ADARB2: variants seen among roughly 807,000 people sequenced by gnomAD.
The protein encoded by ADARB2 is inactive double-stranded RNA-specific editase B2.
A neutral mutation model predicts 62.2 loss-of-function variants in ADARB2; 25 were observed. The observed-to-expected ratio is 0.40, with a 90% CI of 0.29 to 0.56. ADARB2 has a LOEUF of 0.56. ADARB2 is among the 20% of genes least tolerant of loss of function. ADARB2 has a pLI of 0.43. For synonymous variants in ADARB2, 572 were observed against 500.8 expected (o/e 1.14, Z -1.90); for missense variants, 1,071 against 1,077.4 (o/e 0.99, Z 0.08).
intron 3 of ADARB2, among the ~76,000 whole-genome samples, chr10:1,324,979 G>GT (rs1235279842): frequency 6.6e-6 from 1 of 152,200 alleles, no homozygotes. Context: ...CTGGGCACAG[G>GT]TACATGGGCT....
chr10:1,720,730 G>C (rs966199854), intron 1 of ADARB2, among the ~76,000 whole-genome samples: 24 of 152,264 alleles, frequency 1.6e-4, no homozygotes, highest in African/African-American at 5.5e-4. Context: ...TGGGCCCCTG[G>C]ACACGTGGAA....
chr10:1,393,741 T>A (rs1267583924), intron 1 of ADARB2, among the ~76,000 whole-genome samples: 4 of 152,242 alleles, frequency 2.6e-5, no homozygotes, highest in African/African-American at 4.8e-5. Flanking sequence ...CACCAGATTG[T>A]TCTGTGTGCC....
chr10:1,296,682 T>C (rs780437655), intron 3 of ADARB2, among the ~76,000 whole-genome samples: 1 of 152,096 alleles, frequency 6.6e-6, no homozygotes, highest in Non-Finnish European at 1.5e-5. Flanking sequence ...CCACAACATA[T>C]GTAATGACCC....
At position 1,430,057 on chromosome 10, in the gene ADARB2, G is replaced by A. The variant is rs117760363; in HGVS notation, c.101-50897C>T. ...CTAAGTATCCTTTTCCTCATGTGGCGCTCTCTATATATAGAGGATACTTAC... is the reference window on the plus strand; with the variant it reads ...CTAAGTATCCTTTTCCTCATGTGGCACTCTCTATATATAGAGGATACTTAC... On this transcript the variant is annotated intron_variant, in intron 1 of 9. Transcript: ENST00000381312. Among the ~76,000 whole-genome samples the A allele has an allele frequency of 6.1e-4, 93 of 152,236 alleles. 1 individual carries two copies. The East Asian group carries it at 0.013, about 22-fold the overall frequency.
In ADARB2 at chr10:1,652,087, G is replaced by A. The variant is rs546254627; in HGVS notation, c.100+84964C>T. Among the ~76,000 whole-genome samples the A allele has an allele frequency of 3.0e-3, 454 of 152,296 alleles. 3 individuals are homozygous for A. The highest frequency in any genetic ancestry group is 5.6e-3 in the South Asian group (27 of 4,818). On this transcript the variant is annotated intron_variant, in intron 1 of 9. Transcript: ENST00000381312. ...TGGTCACTGTATTCCAGTAATTTGGGTGAACTCTGATTGGCCATCCAATAT... is the reference window on the plus strand; with the variant it reads ...TGGTCACTGTATTCCAGTAATTTGGATGAACTCTGATTGGCCATCCAATAT...
chr10:1,460,622 GTAGCAAACCTGCCTGTGACCTGAGT>G (rs1831160246), intron 1 of ADARB2, among the ~76,000 whole-genome samples: 1 of 112,092 alleles, frequency 8.9e-6, no homozygotes, highest in Admixed American at 8.5e-5. Flanking sequence ...GTTTACCTGC[GTAGCAAACCTGCCTGTGACCTGAGT>G]TTACCTGTGT....
At chr10:1,518,659 T>A (rs544580549) in intron 1 of ADARB2, among the ~76,000 whole-genome samples, 13 of 152,168 alleles carry the variant, frequency 8.5e-5, no homozygotes, top group African/African-American at 3.1e-4. Context: ...GGTATTGCCA[T>A]ATGCAAGTAT....
intron 1 of ADARB2, among the ~76,000 whole-genome samples, chr10:1,726,155 G>C: frequency 6.6e-6 from 1 of 152,158 alleles, no homozygotes; most frequent in East Asian, 1.9e-4. Flanking sequence ...CAGAGCCTAG[G>C]CAAGTAGCAC....
intron 1 of ADARB2, among the ~76,000 whole-genome samples, chr10:1,497,553 C>G (rs1349065679): frequency 1.3e-5 from 2 of 152,122 alleles, no homozygotes; most frequent in Non-Finnish European, 2.9e-5. Context: ...TTATTGTTCT[C>G]CTTTCTCTTA....
intron 6 of ADARB2, among the ~76,000 whole-genome samples, chr10:1,230,196 T>C (rs1830790820): frequency 6.6e-6 from 1 of 152,250 alleles, no homozygotes; most frequent in South Asian, 2.1e-4. Context: ...TTTGTGAGAA[T>C]AACATCATGG....
intron 1 of ADARB2, among the ~76,000 whole-genome samples, chr10:1,459,248 C>G (rs1831136436): frequency 6.6e-6 from 1 of 152,198 alleles, no homozygotes; most frequent in South Asian, 2.1e-4. Flanking sequence ...CAGCACTACT[C>G]ACAATAGCAA....
At chr10:1,514,202 T>TATATATATATATA (rs376354957) in intron 1 of ADARB2, among the ~76,000 whole-genome samples, 10 of 116,836 alleles carry the variant, frequency 8.6e-5, no homozygotes, top group East Asian at 2.9e-4. Context: ...TATATGTATA[T>TATATATATATATA]TATATAAAAT....
At chr10:1,661,872 T>G (rs990700625) in intron 1 of ADARB2, among the ~76,000 whole-genome samples, 2 of 152,176 alleles carry the variant, frequency 1.3e-5, no homozygotes, top group African/African-American at 4.8e-5. Flanking sequence ...CTTCACCGTC[T>G]TCCCTCTACG....
chr10:1,478,932 C>A (rs1183651509), intron 1 of ADARB2, among the ~76,000 whole-genome samples: 1 of 152,100 alleles, frequency 6.6e-6, no homozygotes, highest in Non-Finnish European at 1.5e-5. Context: ...AGATGGGGAC[C>A]CTTGGAGGAG....
rs114617842 is a variant in ADARB2, at chr10:1,313,308, C to T, written c.1078-42239G>A. On this transcript the variant is annotated intron_variant, in intron 3 of 9. Coordinates refer to ENST00000381312, the MANE Select transcript of ADARB2 (RefSeq NM_018702.4). ...GAAAGATGCCCCTTCCACCTGTCCC[C>T]CATCGCCACTCCTTGGGCCTTCCAC... is the stretch of plus-strand genomic sequence containing the variant. 7.4e-3 allele frequency among the ~76,000 whole-genome samples: 1,120 copies of T among 152,318 alleles called. 17 individuals carry two copies. The highest frequency in any genetic ancestry group is 0.025 in the African/African-American group (1,024 of 41,574).
At chr10:1,728,406 A>G (rs756304365) in intron 1 of ADARB2, among the ~76,000 whole-genome samples, 3 of 152,204 alleles carry the variant, frequency 2.0e-5, no homozygotes, top group Non-Finnish European at 2.9e-5. Flanking sequence ...TAATGTTTAT[A>G]TTAGACTGCT....
chr10:1,722,389 GA>G (rs1835103897), intron 1 of ADARB2, among the ~76,000 whole-genome samples: 1 of 152,200 alleles, frequency 6.6e-6, no homozygotes, highest in African/African-American at 2.4e-5. Flanking sequence ...CACTGACTCT[GA>G]ATCAGTTAAT....
chr10:1,199,953 A>C lies in ADARB2; in HGVS notation c.1864+13T>G, dbSNP rs1983028. On this transcript the variant is annotated intron_variant, in intron 8 of 9. Coordinates refer to ENST00000381312, the MANE Select transcript of ADARB2 (RefSeq NM_018702.4). ...GGAAGGAGGTGGAGGGCCCCCGGGAAGGGGGTTCTTACCGCTGAGGAGAGG... is the reference window on the plus strand; with the variant it reads ...GGAAGGAGGTGGAGGGCCCCCGGGACGGGGGTTCTTACCGCTGAGGAGAGG... 0.52 allele frequency: 790,135 copies of C among 1,510,862 alleles called. 212,242 individuals carry two copies. The highest frequency in any genetic ancestry group is 0.72 in the South Asian group (55,500 of 76,624). The allele number at this position is 1,510,862 out of a possible 1,614,324, so 93.6% of individuals were successfully genotyped here.
At chr10:1,364,826 C>T (rs922720431) in intron 2 of ADARB2, among the ~76,000 whole-genome samples, 3 of 151,908 alleles carry the variant, frequency 2.0e-5, no homozygotes, top group African/African-American at 7.3e-5. Flanking sequence ...GCCCACTGAT[C>T]CCACACCATG....
Sources: allele counts gnomAD v4.1 joint callset (sites outside exome capture counted in the v4.1 genomes callset), GRCh38; gene constraint gnomAD v4.1.1; transcripts MANE v1.5; gene names NCBI Gene and HGNC (gene_info 2026-07-23, HGNC 2026-07-21).